The following ESF1 variants were observed in gnomAD, a reference collection of about 807,000 sequenced individuals.
ESF1 encodes the protein ESF1 nucleolar pre-rRNA processing protein.
In ESF1, 58 loss-of-function variants were observed where a neutral mutation model predicts 92.0. That is an observed-to-expected ratio of 0.63 (90% CI 0.51 to 0.78). ESF1 has a LOEUF of 0.78. Ranked by LOEUF, ESF1 falls within the 30% of genes least tolerant of loss-of-function variation. The pLI is 0.00. For synonymous variants in ESF1, 321 were observed against 313.7 expected (o/e 1.02, Z -0.24); for missense variants, 922 against 989.1 (o/e 0.93, Z 0.91).
chr20:13,745,437 A>T (rs1040981152), intron 9 of ESF1, among the ~76,000 whole-genome samples: 3 of 152,186 alleles, frequency 2.0e-5, no homozygotes, highest in Non-Finnish European at 4.4e-5. Context: ...AACTCTCAAA[A>T]ATAGAATGTT....
intron 1 of ESF1, 137 bp from the exon 2 acceptor site, chr20:13,783,320 T>G (rs1980342533): frequency 1.4e-6 from 1 of 713,056 alleles, no homozygotes; most frequent in Non-Finnish European, 2.2e-6. Flanking sequence ...CAAGTCTAAT[T>G]TCATCTCTCC....
chr20:13,747,969 C>T (rs1014727596), intron 9 of ESF1, among the ~76,000 whole-genome samples: 3 of 152,086 alleles, frequency 2.0e-5, no homozygotes, highest in African/African-American at 7.2e-5. Flanking sequence ...AATTGTAACA[C>T]AATAGTAGTA....
At chr20:13,755,142 G>C (rs574681573) in intron 9 of ESF1, among the ~76,000 whole-genome samples, 1 of 152,236 alleles carries the variant, frequency 6.6e-6, no homozygotes, top group South Asian at 2.1e-4. Context: ...AATAATTCCC[G>C]GCACAGAGTA....
chr20:13,737,604 A>G (rs1600273257), intron 9 of ESF1, among the ~76,000 whole-genome samples: 1 of 152,154 alleles, frequency 6.6e-6, no homozygotes, highest in African/African-American at 2.4e-5. Context: ...TTAAAATCTA[A>G]CCAGCCACCA....
chr20:13,768,871 T>A, intron 7 of ESF1, among the ~76,000 whole-genome samples: 1 of 124,872 alleles, frequency 8.0e-6, no homozygotes, highest in African/African-American at 3.1e-5. Flanking sequence ...CACTCCAGCC[T>A]GGGCGACAGA....
intron 9 of ESF1, among the ~76,000 whole-genome samples, chr20:13,749,097 GCT>G (rs1978474262): frequency 6.6e-6 from 1 of 151,630 alleles, no homozygotes; most frequent in Non-Finnish European, 1.5e-5. Context: ...ATGGAGTCTT[GCT>G]CTGTTGCCCA....
chr20:13,766,649 C>A, intron 8 of ESF1, 128 bp downstream of exon 8: 3 of 808,662 alleles, frequency 3.7e-6, no homozygotes, highest in Non-Finnish European at 5.3e-6. Context: ...TTAAAAAAAT[C>A]AATCACTATC....
intron 11 of ESF1, among the ~76,000 whole-genome samples, chr20:13,720,480 C>T (rs191190099): frequency 1.3e-5 from 2 of 152,300 alleles, no homozygotes; most frequent in Admixed American, 1.3e-4. Flanking sequence ...AATGGAACCA[C>T]TCGTCTAACT....
rs1340657860 is a variant in ESF1, at chr20:13,741,458, C to T, written c.1829-7616G>A. On this transcript the variant is annotated intron_variant, in intron 9 of 13. Transcript: ENST00000617257. ...TGGTACTGGTCTAGGGATAGGCAGA[C>T]GAACTGACCAGTAAAACACAGAGCC... 4.6e-5 allele frequency among the ~76,000 whole-genome samples: 7 copies of T among 152,094 alleles called. No homozygotes were observed. The East Asian group carries it at 1.3e-3, about 29-fold the overall frequency.
chr20:13,748,677 C>A (rs890202650), intron 9 of ESF1, among the ~76,000 whole-genome samples: 2 of 149,372 alleles, frequency 1.3e-5, no homozygotes, highest in Non-Finnish European at 3.0e-5. Flanking sequence ...AACCTCCACT[C>A]CGAGGTTCAC....
intron 9 of ESF1, among the ~76,000 whole-genome samples, chr20:13,749,232 A>ATTTTTTTTTTTT (rs71188184): frequency 4.5e-5 from 4 of 89,662 alleles, no homozygotes; most frequent in East Asian, 3.8e-4. Flanking sequence ...TGCCCGGCTA[A>ATTTTTTTTTTTT]TTTTTTTTTT....
intron 9 of ESF1, among the ~76,000 whole-genome samples, chr20:13,748,507 C>CATATATATACAT (rs1978402632): frequency 7.6e-6 from 1 of 131,538 alleles, no homozygotes; most frequent in African/African-American, 3.1e-5. Flanking sequence ...CATATATACA[C>CATATATATACAT]ATATATATAC....
chr20:13,727,473 C>T (rs554969795), intron 11 of ESF1, among the ~76,000 whole-genome samples: 11 of 152,274 alleles, frequency 7.2e-5, no homozygotes, highest in African/African-American at 2.6e-4. Context: ...GGGAAAAAAA[C>T]AGGGAAACTT....
intron 9 of ESF1, 82 bp from the exon 10 acceptor site, chr20:13,733,924 A>G: frequency 7.0e-7 from 1 of 1,433,054 alleles, no homozygotes; most frequent in Non-Finnish European, 9.3e-7. Context: ...AAAGACAAAT[A>G]TAATTTATGC....
At chr20:13,779,157 C>T (rs890845585) in intron 2 of ESF1, among the ~76,000 whole-genome samples, 1 of 152,138 alleles carries the variant, frequency 6.6e-6, no homozygotes, top group African/African-American at 2.4e-5. Flanking sequence ...TATTCCTAGA[C>T]AGTATTGCTC....
intron 10 of ESF1, among the ~76,000 whole-genome samples, chr20:13,728,985 G>A (rs1184269791): frequency 6.6e-6 from 1 of 152,214 alleles, no homozygotes. Flanking sequence ...GAGGCTGGGT[G>A]CAGTGACTCA....
chr20:13,762,345 A>T (rs1319082403), intron 8 of ESF1, among the ~76,000 whole-genome samples: 1 of 152,220 alleles, frequency 6.6e-6, no homozygotes, highest in Non-Finnish European at 1.5e-5. Flanking sequence ...GTTGGATGGA[A>T]TTCTGTCATG....
At chr20:13,745,161 T>A (rs2050039927) in intron 9 of ESF1, among the ~76,000 whole-genome samples, 1 of 152,082 alleles carries the variant, frequency 6.6e-6, no homozygotes. Context: ...CTGGTGAGAG[T>A]ATAAGATGGC....
intron 4 of ESF1, among the ~76,000 whole-genome samples, chr20:13,773,891 C>T (rs112241107): frequency 9.9e-5 from 15 of 152,188 alleles, no homozygotes; most frequent in African/African-American, 3.6e-4. Flanking sequence ...GTCAGGAGAT[C>T]GAGACCATCC....
Sources: allele counts gnomAD v4.1 joint callset (sites outside exome capture counted in the v4.1 genomes callset), GRCh38; gene constraint gnomAD v4.1.1; transcripts MANE v1.5; gene names NCBI Gene and HGNC (gene_info 2026-07-23, HGNC 2026-07-21).